CAMKMT: variants seen among roughly 807,000 people sequenced by gnomAD.
CAMKMT encodes the protein CaM KMT.
CAMKMT carries 53 observed loss-of-function variants against 48.0 expected under a neutral mutation model. The ratio of observed to expected loss-of-function variants is 1.10; its 90% CI spans 0.89 to 1.39. The LOEUF is 1.39. Among genes scored for constraint, CAMKMT ranks in the 40% most tolerant of loss-of-function variants. The probability of loss-of-function intolerance (pLI) is 0.00; values close to 1 mark genes in which losing one functional copy is unlikely to be tolerated. For missense variants in CAMKMT, 428 were observed against 402.7 expected (o/e 1.06, Z -0.54); for synonymous variants, 165 against 152.3 (o/e 1.08, Z -0.61).
At position 44,653,963 on chromosome 2, in the gene CAMKMT, G is replaced by A. The variant is rs1483021827; in HGVS notation, c.377-50320G>A. On this transcript the variant is annotated intron_variant, in intron 3 of 10. Coordinates refer to ENST00000378494, the MANE Select transcript of CAMKMT (RefSeq NM_024766.5). The surrounding 1 kb of genome is among the most constrained non-coding windows in gnomAD (Gnocchi z 5.2). ...AAACCCATTTATGAAAATTGTTAGA[G>A]TCTTTCTTTGAATTAAAATTTTCTT... Among the ~76,000 whole-genome samples, 1 of 152,102 alleles carries A rather than the reference G, an allele frequency of 6.6e-6. No homozygotes were observed. Among genetic ancestry groups the A allele is most frequent in the Non-Finnish European group, 1.5e-5 (1 of 68,020 alleles).
intron 3 of CAMKMT, among the ~76,000 whole-genome samples, chr2:44,627,755 G>T (rs1469832602): frequency 1.6e-5 from 2 of 123,474 alleles, no homozygotes; most frequent in African/African-American, 6.3e-5. Context: ...TGTCACCTAG[G>T]CTGGAGTGCA....
intron 8 of CAMKMT, among the ~76,000 whole-genome samples, chr2:44,753,569 C>G (rs7603180): frequency 0.15 from 23,289 of 152,156 alleles, 1,976 homozygotes; most frequent in South Asian, 0.3. Context: ...GACGTTGAAT[C>G]TAACCTCAGT....
At chr2:44,728,712 A>G (rs1200336037) in intron 7 of CAMKMT, among the ~76,000 whole-genome samples, 2 of 152,072 alleles carry the variant, frequency 1.3e-5, no homozygotes, top group Non-Finnish European at 2.9e-5. Context: ...AGAGTTGTTC[A>G]TAGTAGTCTC....
intron 7 of CAMKMT, among the ~76,000 whole-genome samples, chr2:44,737,882 G>T (rs1036153259): frequency 5.8e-5 from 7 of 120,182 alleles, no homozygotes; most frequent in African/African-American, 2.1e-4. Context: ...TCTTGAGATG[G>T]AGTCTCGCTG....
At chr2:44,679,589 A>G (rs1359622132) in intron 3 of CAMKMT, among the ~76,000 whole-genome samples, 1 of 152,234 alleles carries the variant, frequency 6.6e-6, no homozygotes, top group Non-Finnish European at 1.5e-5. Context: ...GGAAAAGTAA[A>G]TGCATAGCCT....
intron 3 of CAMKMT, among the ~76,000 whole-genome samples, chr2:44,662,270 G>A (rs539101973): frequency 4.6e-4 from 70 of 152,178 alleles, no homozygotes; most frequent in African/African-American, 1.3e-3. Context: ...TTCATTGTCC[G>A]TCTTAAAAGT....
intron 8 of CAMKMT, among the ~76,000 whole-genome samples, chr2:44,744,115 T>G (rs1253894445): frequency 6.6e-6 from 1 of 152,192 alleles, no homozygotes; most frequent in East Asian, 1.9e-4. Flanking sequence ...TATGTGTGTG[T>G]GTACACACAC....
At chr2:44,655,655 T>C (rs528207896) in intron 3 of CAMKMT, among the ~76,000 whole-genome samples, 1 of 152,278 alleles carries the variant, frequency 6.6e-6, no homozygotes, top group East Asian at 1.9e-4. Flanking sequence ...TAGAAAAGCA[T>C]TTAAAGCAAG....
intron 3 of CAMKMT, among the ~76,000 whole-genome samples, chr2:44,451,307 T>TG (rs1269193262): frequency 6.6e-6 from 1 of 152,056 alleles, no homozygotes; most frequent in Non-Finnish European, 1.5e-5. Context: ...GACAAAGTGT[T>TG]GAATAGTTTT....
intron 7 of CAMKMT, among the ~76,000 whole-genome samples, chr2:44,736,928 C>G (rs184192969): frequency 2.6e-5 from 4 of 152,114 alleles, no homozygotes; most frequent in African/African-American, 4.8e-5. Flanking sequence ...TATTGTAATG[C>G]CCGTGTCTGC....
chr2:44,733,545 C>A (rs1679194260), intron 7 of CAMKMT, among the ~76,000 whole-genome samples: 1 of 152,144 alleles, frequency 6.6e-6, no homozygotes. Flanking sequence ...TCGGGTCTTT[C>A]ACCATTAAGT....
At chr2:44,364,821 G>C (rs1323820475) in intron 1 of CAMKMT, among the ~76,000 whole-genome samples, 1 of 152,078 alleles carries the variant, frequency 6.6e-6, no homozygotes, top group African/African-American at 2.4e-5. Flanking sequence ...CTAATCTTTG[G>C]ACTAGTGGGC....
chr2:44,721,329 G>A (rs765140346), intron 7 of CAMKMT, among the ~76,000 whole-genome samples: 54 of 151,980 alleles, frequency 3.6e-4, no homozygotes, highest in Admixed American at 2.2e-3. Flanking sequence ...AAGTAAATAT[G>A]GAACTTTAGC....
chr2:44,743,575 T>G, intron 7 of CAMKMT, 47 bp from the exon 8 acceptor site: 1 of 1,417,200 alleles, frequency 7.1e-7, no homozygotes, highest in South Asian at 1.2e-5. Context: ...AAATCAAAAT[T>G]TAAAAAAAAC....
At chr2:44,584,854 A>G (rs1558721580) in intron 3 of CAMKMT, among the ~76,000 whole-genome samples, 5 of 152,124 alleles carry the variant, frequency 3.3e-5, no homozygotes, top group Non-Finnish European at 7.4e-5. Flanking sequence ...GGAGATCAAG[A>G]CTATCCTGGC....
chr2:44,487,876 G>C lies in CAMKMT; in HGVS notation c.376+97571G>C, dbSNP rs1372585427. Reference sequence around the variant, plus strand: ...ACATCTTCCTCAATGAAGTAATTCTGCTTCAAGCAGGTAGATTTTCATATT... The same window carrying C: ...ACATCTTCCTCAATGAAGTAATTCTCCTTCAAGCAGGTAGATTTTCATATT... On this transcript the variant is annotated intron_variant, in intron 3 of 10. Transcript: ENST00000378494. Among the ~76,000 whole-genome samples the C allele has an allele frequency of 2.0e-5, 3 of 152,362 alleles. No individual in the cohort carries two copies. In the South Asian group the frequency reaches 6.2e-4, roughly 32 times the overall value.
chr2:44,648,495 T>A (rs1053827184), intron 3 of CAMKMT, among the ~76,000 whole-genome samples: 1 of 152,226 alleles, frequency 6.6e-6, no homozygotes, highest in African/African-American at 2.4e-5. Context: ...AGGGCCGTCA[T>A]TGGAAGAAAG....
chr2:44,452,689 C>G (rs953505677), intron 3 of CAMKMT, among the ~76,000 whole-genome samples: 1 of 151,834 alleles, frequency 6.6e-6, no homozygotes, highest in African/African-American at 2.4e-5. Context: ...TATCTTTAAC[C>G]TTTGTATTAT....
At chr2:44,702,074 C>T (rs343987) in intron 3 of CAMKMT, among the ~76,000 whole-genome samples, 18,926 of 151,796 alleles carry the variant, frequency 0.12, 1,331 homozygotes, top group South Asian at 0.18. Context: ...TTTTAGAAGT[C>T]GCATTTTTGT....
Sources: gnomAD v4.1 joint callset for allele counts (sites outside exome capture counted in the v4.1 genomes callset) on GRCh38, gnomAD v4.1.1 for gene constraint, Gnocchi (gnomAD v3.1) non-coding constraint, MANE v1.5 for transcripts, NCBI Gene and HGNC (gene_info 2026-07-23, HGNC 2026-07-21) for gene names.